SGCZ: variants seen among roughly 807,000 people sequenced by gnomAD.
SGCZ encodes zeta-sarcoglycan.
In SGCZ, 40 loss-of-function variants were observed where a neutral mutation model predicts 41.3. That is an observed-to-expected ratio of 0.97 (90% CI 0.75 to 1.26). The LOEUF is 1.26. Ranked by LOEUF, SGCZ falls within the 50% of genes most tolerant of loss-of-function variation. SGCZ has a pLI of 0.00. For missense variants in SGCZ, 552 were observed against 369.8 expected, an observed-to-expected ratio of 1.49 and a Z score of -4.04; for synonymous variants, 206 against 137.5, an observed-to-expected ratio of 1.50 and a Z score of -3.49.
At chr8:14,910,315 T>A (rs2130775689) in intron 1 of SGCZ, among the ~76,000 whole-genome samples, 1 of 152,164 alleles carries the variant, frequency 6.6e-6, no homozygotes, top group South Asian at 2.1e-4. Context: ...GTCAGTTAAT[T>A]AAAATTTATT....
At chr8:15,056,214 G>A (rs1326090272) in intron 1 of SGCZ, among the ~76,000 whole-genome samples, 1 of 152,076 alleles carries the variant, frequency 6.6e-6, no homozygotes, top group East Asian at 1.9e-4. Flanking sequence ...CAGACCCTTG[G>A]ATCTAAGTAT....
At chr8:14,112,524 G>A (rs1189419053) in intron 5 of SGCZ, among the ~76,000 whole-genome samples, 3 of 152,036 alleles carry the variant, frequency 2.0e-5, no homozygotes, top group Non-Finnish European at 2.9e-5. Context: ...ATCTGTGTTA[G>A]TAAATATATT....
rs940967114 is a variant in SGCZ at position 14,480,567 on chromosome 8, A to T, written c.234+74165T>A. On this transcript the variant is annotated intron_variant, in intron 2 of 7. Transcript: ENST00000382080. ...TTCTTTATACTCAATTTACAAATTTATTCAATGTTCGTGTTTAATCATTCT... is the reference window on the plus strand; with the variant it reads ...TTCTTTATACTCAATTTACAAATTTTTTCAATGTTCGTGTTTAATCATTCT... Among the ~76,000 whole-genome samples, 18 of 144,990 alleles carry T rather than the reference A, an allele frequency of 1.2e-4. No homozygotes were observed. In the South Asian group the frequency reaches 1.4e-3, roughly 12 times the overall value.
chr8:14,346,038 G>A (rs990471754), intron 2 of SGCZ, among the ~76,000 whole-genome samples: 80 of 152,118 alleles, frequency 5.3e-4, no homozygotes, highest in African/African-American at 1.8e-3. Context: ...AAACCCCCTA[G>A]AATATACAAC....
At chr8:14,370,539 T>C (rs1010055200) in intron 2 of SGCZ, among the ~76,000 whole-genome samples, 40 of 152,010 alleles carry the variant, frequency 2.6e-4, no homozygotes, top group Non-Finnish European at 3.1e-4. Context: ...ACAGATTTGA[T>C]ACCTAAATCT....
chr8:14,170,678 T>C (rs1254566350), intron 4 of SGCZ, among the ~76,000 whole-genome samples: 1 of 152,074 alleles, frequency 6.6e-6, no homozygotes, highest in Non-Finnish European at 1.5e-5. Flanking sequence ...TATACAAACA[T>C]AAAATGGCAA....
intron 1 of SGCZ, among the ~76,000 whole-genome samples, chr8:14,631,521 T>A (rs1192949179): frequency 2.0e-5 from 3 of 152,058 alleles, no homozygotes; most frequent in Non-Finnish European, 4.4e-5. Context: ...GTTTGAAACA[T>A]TTACTACACC....
chr8:15,226,872 T>C (rs1801791496), intron 1 of SGCZ, among the ~76,000 whole-genome samples: 1 of 152,204 alleles, frequency 6.6e-6, no homozygotes, highest in African/African-American at 2.4e-5. Flanking sequence ...AATGACCAGT[T>C]GGATGTACGG....
intron 1 of SGCZ, among the ~76,000 whole-genome samples, chr8:14,950,905 G>A (rs886809976): frequency 6.6e-6 from 1 of 151,984 alleles, no homozygotes; most frequent in Non-Finnish European, 1.5e-5. Flanking sequence ...AATTTAAATG[G>A]AAAGAGCCAA....
At chr8:14,139,706 CA>C (rs1563148955) in intron 5 of SGCZ, among the ~76,000 whole-genome samples, 1 of 151,860 alleles carries the variant, frequency 6.6e-6, no homozygotes, top group South Asian at 2.1e-4. Context: ...GCCTACCAAC[CA>C]AAAAAAGTCC....
At chr8:14,297,146 C>T (rs1045166618) in intron 3 of SGCZ, among the ~76,000 whole-genome samples, 3 of 152,090 alleles carry the variant, frequency 2.0e-5, no homozygotes, top group African/African-American at 7.2e-5. Context: ...TGGTCTCAAA[C>T]TCCTGACCTC....
intron 7 of SGCZ, 50 bp from the exon 8 acceptor site, chr8:14,090,687 C>T (rs761378790): frequency 1.5e-5 from 23 of 1,506,336 alleles, no homozygotes; most frequent in Non-Finnish European, 1.9e-5. Flanking sequence ...AATGTAGCAT[C>T]GAGTAATCTA....
intron 1 of SGCZ, among the ~76,000 whole-genome samples, chr8:14,888,799 A>G (rs1016164866): frequency 4.6e-5 from 7 of 152,192 alleles, no homozygotes; most frequent in African/African-American, 1.7e-4. Flanking sequence ...TCTCAAAAAT[A>G]TGTAAGTTTT....
chr8:14,281,022 G>C (rs1800414179), intron 3 of SGCZ, among the ~76,000 whole-genome samples: 2 of 151,730 alleles, frequency 1.3e-5, no homozygotes, highest in East Asian at 3.9e-4. Flanking sequence ...TTATTTCCCT[G>C]CTAATCTATA....
intron 4 of SGCZ, among the ~76,000 whole-genome samples, chr8:14,208,871 G>A (rs6981772): frequency 0.76 from 115,055 of 152,090 alleles, 44,638 homozygotes; most frequent in African/African-American, 0.92. Flanking sequence ...TAGCGAGGGT[G>A]GGAGAGTACT....
chr8:14,474,332 T>C (rs1801297674), intron 2 of SGCZ, among the ~76,000 whole-genome samples: 1 of 152,250 alleles, frequency 6.6e-6, no homozygotes. Context: ...TAAAAATCCA[T>C]GCAGTTGATT....
At chr8:14,931,269 T>C (rs1274112327) in intron 1 of SGCZ, among the ~76,000 whole-genome samples, 2 of 152,110 alleles carry the variant, frequency 1.3e-5, no homozygotes, top group Admixed American at 6.5e-5. Context: ...TATAGTTTAT[T>C]ACCTTCCTGA....
intron 3 of SGCZ, among the ~76,000 whole-genome samples, chr8:14,259,521 C>G (rs1026884928): frequency 6.8e-6 from 1 of 147,234 alleles, no homozygotes; most frequent in African/African-American, 2.5e-5. Flanking sequence ...TTTCAGCTTT[C>G]TACATATGGC....
chr8:14,301,782 G>A (rs1049350859), intron 3 of SGCZ, among the ~76,000 whole-genome samples: 2 of 152,080 alleles, frequency 1.3e-5, no homozygotes, highest in Admixed American at 6.6e-5. Context: ...TTATCATGCT[G>A]TATTTCACAC....
Sources: gnomAD v4.1 joint callset for allele counts (sites outside exome capture counted in the v4.1 genomes callset) on GRCh38, gnomAD v4.1.1 for gene constraint, MANE v1.5 for transcripts, NCBI Gene and HGNC (gene_info 2026-07-23, HGNC 2026-07-21) for gene names.